Variants in LELP1 observed in about 807,000 individuals in gnomAD.
The protein encoded by LELP1 is late cornified envelope-like proline-rich protein 1.
LELP1 carries 1 observed loss-of-function variant against 0.3 expected under a neutral mutation model. The ratio of observed to expected loss-of-function variants is 2.87; its 90% CI spans 1.02 to 13.63. The LOEUF is 13.63. LELP1 is among the 30% of genes most tolerant of loss of function. The probability of loss-of-function intolerance (pLI) is 0.12; values close to 1 mark genes in which losing one functional copy is unlikely to be tolerated. For synonymous variants in LELP1, 57 were observed against 45.9 expected, an observed-to-expected ratio of 1.24 and a Z score of -0.97; for missense variants, 122 against 118.7, an observed-to-expected ratio of 1.03 and a Z score of -0.13.
At position 153,204,853 on chromosome 1, in the gene LELP1, G is replaced by A. The variant is rs751462753; in HGVS notation, c.146G>A (p.Trp49Ter). 1.9e-6 allele frequency: 3 copies of A among 1,614,024 alleles called. No homozygotes were observed. Among genetic ancestry groups the A allele is most frequent in the African/African-American group, 1.3e-5 (1 of 74,902 alleles). ...CAACGCTGTTTCGAAAAGTGCCCAT[G>A]GGAAAAGTGTCCAGCACCACCCAAG... ...LLQRCFEKCP[W>*]EKCPAPPKCL... is the part of the protein sequence containing the mutation. The change falls in exon 2 of 2, where the codon TGG (tryptophan) becomes TAG (stop). Residue 49 changes from tryptophan to a stop codon, truncating the protein, a stop_gained. Coordinates refer to ENST00000368747, the MANE Select transcript of LELP1 (RefSeq NM_001010857.3). LOFTEE classifies it low-confidence loss of function (END_TRUNC).
chr1:153,204,273 G>A (rs1229313758), intron 1 of LELP1, among the ~76,000 whole-genome samples: 1 of 152,154 alleles, frequency 6.6e-6, no homozygotes, highest in Non-Finnish European at 1.5e-5. Flanking sequence ...TTAGAGGAGC[G>A]AAACTTCTAT....
Position 153,205,040 on chromosome 1 carries a change from C to G in LELP1, c.*36C>G, listed in dbSNP as rs749240533. On this transcript the variant is annotated 3_prime_UTR_variant, in exon 2 of 2. Coordinates refer to ENST00000368747, the MANE Select transcript of LELP1 (RefSeq NM_001010857.3). The stretch of plus-strand genomic sequence containing the variant: ...GCACTACCCAACCCCACCACCACTG[C>G]CACCTCCACCATGTACAACGCTGTG... The G allele has an allele frequency of 6.7e-7, 1 of 1,491,258 alleles. No homozygotes were observed. Among genetic ancestry groups the G allele is most frequent in the South Asian group, 1.1e-5 (1 of 87,258 alleles). 92.4% of individuals were successfully genotyped at this position (1,491,258 alleles called of 1,614,324 possible).
In LELP1 at chr1:153,204,795, A is replaced by C; in HGVS notation, c.88A>C (p.Lys30Gln). Reference sequence around the variant, plus strand: ...CAAGTGTGAACAAAAGTGTGAGTCCAAATGCCAGCCCAGCTGTTTAAAGAA... The same window carrying C: ...CAAGTGTGAACAAAAGTGTGAGTCCCAATGCCAGCCCAGCTGTTTAAAGAA... ...DPKCEQKCES[K>Q]CQPSCLKKLL... The change falls in exon 2 of 2, where the codon AAA becomes CAA. Residue 30 changes from lysine (K) to glutamine (Q), a missense_variant. Physicochemically the swap from Lys to Gln is moderately conservative, Grantham distance 53. Transcript: ENST00000368747. 1 of 1,614,194 alleles carries C rather than the reference A, an allele frequency of 6.2e-7. No homozygotes were observed. The highest frequency in any genetic ancestry group is 8.5e-7 in the Non-Finnish European group (1 of 1,180,010).
rs200747820 is a variant in LELP1 at position 153,204,889 on chromosome 1, G to A, written c.182G>A (p.Cys61Tyr). The A allele has an allele frequency of 2.6e-5, 42 of 1,613,906 alleles. No individual in the cohort carries two copies. The highest frequency in any genetic ancestry group is 3.4e-5 in the Non-Finnish European group (40 of 1,179,960). Residue 61 changes from cysteine (C) to tyrosine (Y), a missense_variant, in exon 2 of 2, where the codon TGC becomes TAC. Transcript: ENST00000368747. Reference protein sequence around the residue: ...KCPAPPKCLPCPSQSPSSCPP... With the variant: ...KCPAPPKCLPYPSQSPSSCPP... ...CCAGCACCACCCAAGTGCCTGCCCT[G>A]CCCCTCGCAGTCTCCTTCATCCTGC...
chr1:153,204,216 TCTGCTAGTGTAC>T (rs1657705495), intron 1 of LELP1, among the ~76,000 whole-genome samples: 1 of 152,170 alleles, frequency 6.6e-6, no homozygotes, highest in Admixed American at 6.5e-5. Flanking sequence ...GGCCCCCAAG[TCTGCTAGTGTAC>T]CTCCCATCTA....
chr1:153,203,851 T>G (rs935429515), intron 1 of LELP1, among the ~76,000 whole-genome samples: 1 of 152,212 alleles, frequency 6.6e-6, no homozygotes, highest in Non-Finnish European at 1.5e-5. Context: ...TGTGAGGGAC[T>G]GAAAATCCCT....
In LELP1 at chr1:153,205,032, C is replaced by A. The variant is rs747034588; in HGVS notation, c.*28C>A. ...CACTGTGGGCACTACCCAACCCCACCACCACTGCCACCTCCACCATGTACA... is the reference window on the plus strand; with the variant it reads ...CACTGTGGGCACTACCCAACCCCACAACCACTGCCACCTCCACCATGTACA... On this transcript the variant is annotated 3_prime_UTR_variant, in exon 2 of 2. Coordinates refer to ENST00000368747, the MANE Select transcript of LELP1 (RefSeq NM_001010857.3). 3.9e-6 allele frequency: 6 copies of A among 1,532,316 alleles called. No homozygotes were observed. Among genetic ancestry groups the A allele is most frequent in the Admixed American group, 3.4e-5 (2 of 59,042 alleles). The allele number at this position is 1,532,316 out of a possible 1,614,324, so 94.9% of individuals were successfully genotyped here.
intron 1 of LELP1, among the ~76,000 whole-genome samples, 161 bp from the exon 2 acceptor site, chr1:153,204,526 T>C (rs1657710291): frequency 6.6e-6 from 1 of 151,964 alleles, no homozygotes; most frequent in South Asian, 2.1e-4. Context: ...GATTAAGAAA[T>C]GCTATCTCAA....
At position 153,204,696 on chromosome 1, in the gene LELP1, A is replaced by T; in HGVS notation, c.-12A>T. The stretch of plus-strand genomic sequence containing the variant: ...TCATATTTCTTTGCAGGGCTCAGAT[A>T]ATCAAGAAACAATGTCGAGTGATGA... On this transcript the variant is annotated 5_prime_UTR_variant, in exon 2 of 2. Transcript: ENST00000368747. 6.2e-7 allele frequency: 1 copy of T among 1,611,272 alleles called. No individual in the cohort carries two copies. The highest frequency in any genetic ancestry group is 8.5e-7 in the Non-Finnish European group (1 of 1,177,654).
chr1:153,204,993 C>A lies in LELP1; in HGVS notation c.286C>A (p.Pro96Thr). 1 of 1,611,830 alleles carries A rather than the reference C, an allele frequency of 6.2e-7. No individual in the cohort carries two copies. The highest frequency in any genetic ancestry group is 8.5e-7 in the Non-Finnish European group (1 of 1,178,230). ...CPHACPPPCP[P>T]PE ...ACATGCTTGCCCACCTCCCTGCCCTCCCCCAGAGTGAGGCACTGTGGGCAC... is the reference window on the plus strand; with the variant it reads ...ACATGCTTGCCCACCTCCCTGCCCTACCCCAGAGTGAGGCACTGTGGGCAC... The change falls in exon 2 of 2, where the codon CCC (proline) becomes ACC (threonine). Residue 96 changes from proline (P) to threonine (T), a missense_variant. Transcript: ENST00000368747.
Position 153,204,769 on chromosome 1 carries a change from C to T in LELP1, c.62C>T (p.Pro21Leu), listed in dbSNP as rs1472112054. Residue 21 changes from proline to leucine, a missense_variant, in exon 2 of 2, where the codon CCC becomes CTC. Coordinates refer to ENST00000368747, the MANE Select transcript of LELP1 (RefSeq NM_001010857.3). Reference sequence around the variant, plus strand: ...AAGACTGAGCCCAAGAACTGCGATCCCAAGTGTGAACAAAAGTGTGAGTCC... The same window carrying T: ...AAGACTGAGCCCAAGAACTGCGATCTCAAGTGTGAACAAAAGTGTGAGTCC... ...DPKTEPKNCD[P>L]KCEQKCESKC... 2 of 1,613,986 alleles carry T rather than the reference C, an allele frequency of 1.2e-6. No homozygotes were observed. The highest frequency in any genetic ancestry group is 1.7e-6 in the Non-Finnish European group (2 of 1,179,894).
rs971083655 is a variant in LELP1, at chr1:153,203,531, G to A, written c.-22G>A. Reference sequence around the variant, plus strand: ...GTCAAGTTCACCACCAACACAGAGGGGTAAGTTGCATTTGGACAGGTGGAA... The same window carrying A: ...GTCAAGTTCACCACCAACACAGAGGAGTAAGTTGCATTTGGACAGGTGGAA... On this transcript the variant is annotated splice_region_variant and 5_prime_UTR_variant, in exon 1 of 2. Coordinates refer to ENST00000368747, the MANE Select transcript of LELP1 (RefSeq NM_001010857.3). The A allele has an allele frequency of 3.3e-5, 5 of 152,210 alleles. 1 individual carries two copies. In the East Asian group the frequency reaches 5.8e-4, roughly 18 times the overall value. 9.4% of individuals were successfully genotyped at this position (152,210 alleles called of 1,614,324 possible). A position where few individuals can be genotyped will look rare whatever the true frequency, so the allele number is the denominator to read the frequency against.
chr1:153,205,070 T>C lies in LELP1; in HGVS notation c.*66T>C, dbSNP rs1050382310. 3 of 1,254,506 alleles carry C rather than the reference T, an allele frequency of 2.4e-6. No homozygotes were observed. In the Admixed American group the frequency reaches 6.0e-5, roughly 25 times the overall value. 77.7% of individuals were successfully genotyped at this position (1,254,506 alleles called of 1,614,324 possible). A position where few individuals can be genotyped will look rare whatever the true frequency, so the allele number is the denominator to read the frequency against. ...TCCACCATGTACAACGCTGTGGGGC[T>C]GGAGACTGAAACCATGAACTGACAA... On this transcript the variant is annotated 3_prime_UTR_variant, in exon 2 of 2. Coordinates refer to ENST00000368747, the MANE Select transcript of LELP1 (RefSeq NM_001010857.3).
rs1557779321 is a variant in LELP1, at chr1:153,204,889, GC to G, written c.186del (p.Ser63ArgfsTer66). The G allele has an allele frequency of 1.2e-6, 2 of 1,614,024 alleles. No homozygotes were observed. The highest frequency in any genetic ancestry group is 1.7e-5 in the Admixed American group (1 of 60,002). On this transcript the variant is annotated frameshift_variant, in exon 2 of 2. Coordinates refer to ENST00000368747, the MANE Select transcript of LELP1 (RefSeq NM_001010857.3). LOFTEE classifies it low-confidence loss of function (END_TRUNC). ...CCAGCACCACCCAAGTGCCTGCCCTGCCCCTCGCAGTCTCCTTCATCCTGCC... is the reference window on the plus strand; with the variant it reads ...CCAGCACCACCCAAGTGCCTGCCCTGCCCTCGCAGTCTCCTTCATCCTGCC... ...KCPAPPKCLP[C>X]PSQSPSSCPP...
intron 1 of LELP1, 143 bp from the exon 2 acceptor site, chr1:153,204,544 C>G (rs1315925018): frequency 1.3e-5 from 9 of 677,868 alleles, no homozygotes; most frequent in Non-Finnish European, 2.3e-5. Context: ...CAAACTCATA[C>G]AAGGATGAGG....
chr1:153,203,734 GC>G lies in LELP1; in HGVS notation c.-22+205del, dbSNP rs944303722. 1.1e-3 allele frequency among the ~76,000 whole-genome samples: 165 copies of G among 152,218 alleles called. 2 individuals are homozygous for G. The highest frequency in any genetic ancestry group is 3.6e-3 in the African/African-American group (150 of 41,530). Reference sequence around the variant, plus strand: ...ATTTTAGAGTTCAACTTAATAATATGCCTCCCCAGAGAGCTATACTGATTTT... The same window carrying G: ...ATTTTAGAGTTCAACTTAATAATATGCTCCCCAGAGAGCTATACTGATTTT... On this transcript the variant is annotated intron_variant, in intron 1 of 1. Coordinates refer to ENST00000368747, the MANE Select transcript of LELP1 (RefSeq NM_001010857.3).
intron 1 of LELP1, 46 bp from the exon 2 acceptor site, chr1:153,204,641 G>T: frequency 7.3e-7 from 1 of 1,366,512 alleles, no homozygotes; most frequent in South Asian, 1.2e-5. Context: ...TAAGAAGCCT[G>T]TAGGTATCCT....
rs1240040022 is a variant in LELP1 at position 153,204,898 on chromosome 1, A to G, written c.191A>G (p.Gln64Arg). ...CCCAAGTGCCTGCCCTGCCCCTCGC[A>G]GTCTCCTTCATCCTGCCCTCCCCAG... ...APPKCLPCPS[Q>R]SPSSCPPQPC... Residue 64 changes from glutamine (Q) to arginine (R), a missense_variant, in exon 2 of 2, where the codon CAG (glutamine) becomes CGG (arginine). Coordinates refer to ENST00000368747, the MANE Select transcript of LELP1 (RefSeq NM_001010857.3). 2 of 1,613,996 alleles carry G rather than the reference A, an allele frequency of 1.2e-6. No homozygotes were observed. Among genetic ancestry groups the G allele is most frequent in the Admixed American group, 3.3e-5 (2 of 60,004 alleles).
chr1:153,205,059 C>G lies in LELP1; in HGVS notation c.*55C>G. 7.4e-7 allele frequency: 1 copy of G among 1,346,882 alleles called. No individual in the cohort carries two copies. The highest frequency in any genetic ancestry group is 1.0e-6 in the Non-Finnish European group (1 of 953,462). 83.4% of individuals were successfully genotyped at this position (1,346,882 alleles called of 1,614,324 possible). On this transcript the variant is annotated 3_prime_UTR_variant, in exon 2 of 2. Transcript: ENST00000368747. ...CCACTGCCACCTCCACCATGTACAA[C>G]GCTGTGGGGCTGGAGACTGAAACCA... is the stretch of plus-strand genomic sequence containing the variant.
Sources: gnomAD v4.1 joint callset for allele counts (sites outside exome capture counted in the v4.1 genomes callset) on GRCh38, gnomAD v4.1.1 for gene constraint, MANE v1.5 for transcripts, NCBI Gene and HGNC (gene_info 2026-07-23, HGNC 2026-07-21) for gene names.